PCDHGB7: variants seen among roughly 807,000 people sequenced by gnomAD.
The protein encoded by PCDHGB7 is protocadherin gamma subfamily B, 7.
Under a neutral mutation model 61.4 loss-of-function variants are expected in PCDHGB7, and 37 were observed. The observed-to-expected ratio is 0.60, with a 90% confidence interval of 0.46 to 0.79. PCDHGB7 has a LOEUF of 0.79. Among genes scored for constraint, PCDHGB7 ranks in the 30% least tolerant of loss-of-function variants. The pLI is 0.00. For missense variants in PCDHGB7, 1,166 were observed against 1,202.5 expected, an observed-to-expected ratio of 0.97 and a Z score of 0.45; for synonymous variants, 464 against 503.5, an observed-to-expected ratio of 0.92 and a Z score of 1.05.
intron 1 of PCDHGB7, among the ~76,000 whole-genome samples, chr5:141,474,644 C>G (rs1016496399): frequency 4.6e-5 from 7 of 152,180 alleles, no homozygotes; most frequent in Non-Finnish European, 1.0e-4. Flanking sequence ...CCTATATATC[C>G]TTACTTCTTT....
rs760207269 is a variant in PCDHGB7 at position 141,419,744 on chromosome 5, G to A, written c.1885G>A (p.Val629Met). ...GCTGCGAACAGGCGAGGTGCGCATG[G>A]TGCGTGCTTTGGGTGACAAGGACTC... ...LGLRTGEVRM[V>M]RALGDKDSVR... Residue 629 changes from valine (V) to methionine (M), a missense_variant, in exon 1 of 4, where the codon GTG becomes ATG. Physicochemically the swap from Val to Met is conservative, Grantham distance 21. Coordinates refer to ENST00000398594, the MANE Select transcript of PCDHGB7 (RefSeq NM_018927.4). 28 of 1,613,778 alleles carry A rather than the reference G, an allele frequency of 1.7e-5. No individual in the cohort carries two copies. The highest frequency in any genetic ancestry group is 2.2e-5 in the East Asian group (1 of 44,900).
rs2233602 is a variant in PCDHGB7, at chr5:141,490,032, C to T, written c.2416-4775C>T. 47,990 of 1,614,182 alleles carry T rather than the reference C, an allele frequency of 0.03. 1,413 individuals are homozygous for T. Among genetic ancestry groups the T allele is most frequent in the African/African-American group, 0.15 (11,444 of 75,040 alleles). On this transcript the variant is annotated intron_variant, in intron 1 of 3. Coordinates refer to ENST00000398594, the MANE Select transcript of PCDHGB7 (RefSeq NM_018927.4). The surrounding 1 kb of genome is among the most constrained non-coding windows in gnomAD (Gnocchi z 5.4). ...CCATTGGTACTCTGCTGCTCCGCCT[C>T]AATGCCACTGATCCAGACGAGGGCA...
At chr5:141,422,781 A>C (rs746943605) in intron 1 of PCDHGB7, 13 of 1,613,964 alleles carry the variant, frequency 8.1e-6, no homozygotes, top group African/African-American at 1.3e-5. Flanking sequence ...TCTATGCCCT[A>C]CAATCCTTCG....
intron 1 of PCDHGB7, among the ~76,000 whole-genome samples, chr5:141,465,090 A>G (rs566511602): frequency 6.7e-6 from 1 of 149,576 alleles, no homozygotes; most frequent in Admixed American, 6.7e-5. Flanking sequence ...TCATTTTTCT[A>G]GTAGTTTTTT....
intron 1 of PCDHGB7, among the ~76,000 whole-genome samples, chr5:141,467,055 C>CTTT (rs1193465269): frequency 2.2e-5 from 3 of 134,494 alleles, no homozygotes; most frequent in Admixed American, 7.5e-5. Context: ...TCAATGTTTT[C>CTTT]TTTTTTTTTT....
chr5:141,495,010 G>A (rs1327870362), intron 2 of PCDHGB7, 145 bp downstream of exon 2: 6 of 1,516,970 alleles, frequency 4.0e-6, no homozygotes, highest in Non-Finnish European at 5.3e-6. Context: ...GTGTGCGGGG[G>A]GCTGGCACAC....
intron 3 of PCDHGB7, chr5:141,507,000 TGA>T (rs1235660361): frequency 1.3e-5 from 2 of 152,218 alleles, no homozygotes; most frequent in African/African-American, 4.8e-5. Flanking sequence ...ACTCGACAGA[TGA>T]GAGAACCGAG....
intron 1 of PCDHGB7, among the ~76,000 whole-genome samples, chr5:141,463,721 C>T (rs1012411825): frequency 1.3e-5 from 2 of 152,046 alleles, no homozygotes; most frequent in Non-Finnish European, 2.9e-5. Flanking sequence ...GCTGGGATTA[C>T]AGGCATGAGC....
chr5:141,448,204 C>G (rs757249025), intron 1 of PCDHGB7, among the ~76,000 whole-genome samples: 28 of 152,124 alleles, frequency 1.8e-4, no homozygotes, highest in South Asian at 4.1e-4. Flanking sequence ...CAAACATTTT[C>G]TGTGTGTATG....
Position 141,477,827 on chromosome 5 carries a change from C to T in PCDHGB7, c.2416-16980C>T, listed in dbSNP as rs2099419143. On this transcript the variant is annotated intron_variant, in intron 1 of 3. Coordinates refer to ENST00000398594, the MANE Select transcript of PCDHGB7 (RefSeq NM_018927.4). The surrounding 1 kb of genome is among the most constrained non-coding windows in gnomAD (Gnocchi z 4.9). ...CAATGCCCCCCAGGTCCTATATCCT[C>T]GGCCAGGTGGGAGCTCGGTGGAGAT... The T allele has an allele frequency of 1.2e-6, 2 of 1,614,038 alleles. No individual in the cohort carries two copies. Among genetic ancestry groups the T allele is most frequent in the African/African-American group, 1.3e-5 (1 of 74,928 alleles).
At chr5:141,444,644 G>T (rs1300191764) in intron 1 of PCDHGB7, among the ~76,000 whole-genome samples, 1 of 151,892 alleles carries the variant, frequency 6.6e-6, no homozygotes, top group Non-Finnish European at 1.5e-5. Flanking sequence ...ATTGAGGTAG[G>T]GGTTGAAGTT....
chr5:141,431,617 C>A lies in PCDHGB7; in HGVS notation c.2415+11343C>A. ...GGTATTCCTTCCGGTATGTGGACGA[C>A]AAGGCGGCCCAAGTTTTCAAACTAG... On this transcript the variant is annotated intron_variant, in intron 1 of 3. Coordinates refer to ENST00000398594, the MANE Select transcript of PCDHGB7 (RefSeq NM_018927.4). This position sits in a 1 kb window ranked among gnomAD's most constrained non-coding sequence, Gnocchi z 4.8. 6.2e-7 allele frequency: 1 copy of A among 1,614,236 alleles called. No homozygotes were observed. Among genetic ancestry groups the A allele is most frequent in the Non-Finnish European group, 8.5e-7 (1 of 1,180,044 alleles).
At position 141,477,498 on chromosome 5, in the gene PCDHGB7, C is replaced by T. The variant is rs754212608; in HGVS notation, c.2416-17309C>T. ...AACCCTCCACAATCTTCTCAATCTT[C>T]CTACGACGTTTACATTGAAGAAAAC... On this transcript the variant is annotated intron_variant, in intron 1 of 3. Coordinates refer to ENST00000398594, the MANE Select transcript of PCDHGB7 (RefSeq NM_018927.4). The surrounding 1 kb of genome is among the most constrained non-coding windows in gnomAD (Gnocchi z 4.9). 3.7e-6 allele frequency: 6 copies of T among 1,614,038 alleles called. No individual in the cohort carries two copies. The highest frequency in any genetic ancestry group is 5.1e-6 in the Non-Finnish European group (6 of 1,180,038).
chr5:141,501,852 A>G (rs922276780), intron 2 of PCDHGB7, among the ~76,000 whole-genome samples: 2 of 151,924 alleles, frequency 1.3e-5, no homozygotes, highest in African/African-American at 4.8e-5. Context: ...TCAACCTTCA[A>G]CCATTTCCCA....
Position 141,491,713 on chromosome 5 carries a change from G to A in PCDHGB7, c.2416-3094G>A. On this transcript the variant is annotated intron_variant, in intron 1 of 3. Transcript: ENST00000398594. This position sits in a 1 kb window ranked among gnomAD's most constrained non-coding sequence, Gnocchi z 6.9. ...GGAGCGGAGCCAGGTGAGGGGCTCG[G>A]CGCCGCCCCGGGCGACCCCTGGGGG... The A allele has an allele frequency of 1.9e-6, 3 of 1,609,174 alleles. No individual in the cohort carries two copies. Among genetic ancestry groups the A allele is most frequent in the Non-Finnish European group, 2.5e-6 (3 of 1,178,054 alleles).
chr5:141,443,478 C>T (rs2098390426), intron 1 of PCDHGB7, among the ~76,000 whole-genome samples: 1 of 152,052 alleles, frequency 6.6e-6, no homozygotes, highest in East Asian at 1.9e-4. Context: ...AGAATTAGAC[C>T]CTGTCCCAAA....
At chr5:141,482,234 A>G (rs11748256) in intron 1 of PCDHGB7, among the ~76,000 whole-genome samples, 44,758 of 152,044 alleles carry the variant, frequency 0.29, 7,110 homozygotes, top group African/African-American at 0.42. Context: ...GAAATTGCCA[A>G]TATAAGTATA....
rs2096220274 is a variant in PCDHGB7, at chr5:141,418,087, C to T, written c.228C>T (p.Ser76=). The T allele has an allele frequency of 5.6e-6, 9 of 1,613,894 alleles. No individual in the cohort carries two copies. Among genetic ancestry groups the T allele is most frequent in the Non-Finnish European group, 7.6e-6 (9 of 1,179,906 alleles). ...TGAGCGCGGAGAAGCTGCACTTCAG[C>T]GTAGACGCGCAGAGCGGGGACTTAC... The part of the protein sequence containing the change: ...LRVSAEKLHF[S]VDAQSGDLLV... The change falls in exon 1 of 4, where the codon AGC becomes AGT. Residue 76 remains serine, a synonymous_variant. Transcript: ENST00000398594.
chr5:141,497,957 A>G (rs2099780682), intron 2 of PCDHGB7, among the ~76,000 whole-genome samples: 1 of 152,242 alleles, frequency 6.6e-6, no homozygotes, highest in Non-Finnish European at 1.5e-5. Flanking sequence ...TCTGTTGGCC[A>G]GGCAGTGTTC....
Sources: allele counts gnomAD v4.1 joint callset (sites outside exome capture counted in the v4.1 genomes callset), GRCh38; gene constraint gnomAD v4.1.1; non-coding constraint Gnocchi (gnomAD v3.1); transcripts MANE v1.5; gene names NCBI Gene and HGNC (gene_info 2026-07-23, HGNC 2026-07-21).